The following MME variants were observed in gnomAD, a reference collection of about 807,000 sequenced individuals.
MME encodes the protein neprilysin.
In MME, 98 loss-of-function variants were observed where a neutral mutation model predicts 113.2. That is an observed-to-expected ratio of 0.87 (90% CI 0.74 to 1.02). The LOEUF (loss-of-function observed/expected upper bound fraction) is 1.02. MME is among the 50% of genes least tolerant of loss of function. The pLI is 0.00. For missense variants in MME, 836 were observed against 896.0 expected (o/e 0.93, Z 0.86); for synonymous variants, 292 against 300.6 (o/e 0.97, Z 0.30).
intron 22 of MME, among the ~76,000 whole-genome samples, chr3:155,178,001 C>T (rs541764719): frequency 1.7e-4 from 26 of 152,290 alleles, no homozygotes; most frequent in Admixed American, 5.2e-4. Context: ...TGTCCAGGTT[C>T]TCCAACAACC....
intron 8 of MME, 38 bp downstream of exon 8, chr3:155,118,849 A>C: frequency 1.6e-6 from 2 of 1,269,770 alleles, no homozygotes; most frequent in Non-Finnish European, 2.3e-6. Flanking sequence ...AAACTACAAA[A>C]TGATCTGGTG....
chr3:155,168,581 T>C lies in MME; in HGVS notation c.1870T>C (p.Tyr624His). ...NFKEQSQCMV[Y>H]QYGNFSWDLA... ...TAAGGAGCAATCCCAGTGCATGGTG[T>C]ATCAGTATGGAAACTTTTCCTGGGA... The change falls in exon 19 of 23, where the codon TAT (tyrosine) becomes CAT (histidine). Residue 624 changes from tyrosine (Y) to histidine (H), a missense_variant. Transcript: ENST00000360490. The C allele has an allele frequency of 6.2e-7, 1 of 1,613,858 alleles. No individual in the cohort carries two copies.
At chr3:155,042,600 G>A (rs954322769) in intron 1 of MME, among the ~76,000 whole-genome samples, 3 of 151,886 alleles carry the variant, frequency 2.0e-5, no homozygotes, top group Non-Finnish European at 2.9e-5. Context: ...CTTTCAAGGA[G>A]GTTGTGTATT....
At position 155,148,425 on chromosome 3, in the gene MME, A is replaced by T; in HGVS notation, c.1498-125A>T. The stretch of plus-strand genomic sequence containing the variant: ...AACTGGAACTACATCCTTTTTTGGT[A>T]AGTTTTTTAATGCTCTCTTTTAACT... On this transcript the variant is annotated intron_variant, in intron 15 of 22. Transcript: ENST00000360490. 1.4e-5 allele frequency: 9 copies of T among 662,926 alleles called. No individual in the cohort carries two copies. The Admixed American group carries it at 1.4e-4, about 10-fold the overall frequency. 41.1% of individuals were successfully genotyped at this position (662,926 alleles called of 1,614,324 possible). A position where few individuals can be genotyped will look rare whatever the true frequency, so the allele number is the denominator to read the frequency against.
intron 3 of MME, among the ~76,000 whole-genome samples, chr3:155,088,419 C>T (rs546849821): frequency 6.6e-6 from 1 of 152,260 alleles, no homozygotes; most frequent in Admixed American, 6.5e-5. Context: ...CACGGTGGCT[C>T]ACGCCTGTAA....
chr3:155,165,361 G>C (rs1723017335), intron 17 of MME, among the ~76,000 whole-genome samples: 1 of 152,004 alleles, frequency 6.6e-6, no homozygotes. Context: ...TAGTATTTAA[G>C]ACACATTATT....
At chr3:155,050,229 T>A (rs1713714172) in intron 1 of MME, among the ~76,000 whole-genome samples, 1 of 152,228 alleles carries the variant, frequency 6.6e-6, no homozygotes, top group South Asian at 2.1e-4. Context: ...TTATTGAGTC[T>A]ACCATTAATG....
At chr3:155,041,268 C>T (rs1352567505) in intron 1 of MME, among the ~76,000 whole-genome samples, 4 of 152,186 alleles carry the variant, frequency 2.6e-5, no homozygotes, top group Non-Finnish European at 5.9e-5. Flanking sequence ...AATCCATCTA[C>T]ACAGCAACTA....
chr3:155,151,648 T>TA (rs896378834), intron 16 of MME, among the ~76,000 whole-genome samples: 2 of 152,170 alleles, frequency 1.3e-5, no homozygotes, highest in African/African-American at 4.8e-5. Context: ...GCCCATTTTC[T>TA]AAAAACCTCC....
chr3:155,042,144 T>C (rs1262350641), intron 1 of MME, among the ~76,000 whole-genome samples: 1 of 152,182 alleles, frequency 6.6e-6, no homozygotes, highest in Non-Finnish European at 1.5e-5. Flanking sequence ...TGAGATAATG[T>C]GCACAAACAC....
chr3:155,067,003 A>G (rs962150812), intron 1 of MME, among the ~76,000 whole-genome samples: 1 of 152,162 alleles, frequency 6.6e-6, no homozygotes, highest in African/African-American at 2.4e-5. Context: ...AGCATGTTTT[A>G]GAACTCACCG....
At chr3:155,166,825 G>C in intron 17 of MME, 77 bp from the exon 18 acceptor site, 1 of 1,577,822 alleles carries the variant, frequency 6.3e-7, no homozygotes, top group Non-Finnish European at 8.7e-7. Flanking sequence ...CCTGAGGAGG[G>C]AGGACTGTCT....
chr3:155,046,445 T>C (rs763107077), intron 1 of MME, among the ~76,000 whole-genome samples: 11 of 152,208 alleles, frequency 7.2e-5, no homozygotes, highest in Non-Finnish European at 1.3e-4. Flanking sequence ...CCCAGCACTT[T>C]GGGAGGCCAA....
intron 1 of MME, among the ~76,000 whole-genome samples, chr3:155,047,925 C>T (rs1447616686): frequency 1.3e-5 from 2 of 152,048 alleles, no homozygotes; most frequent in Non-Finnish European, 2.9e-5. Flanking sequence ...AGGTGTTGCT[C>T]ATGTATTTAT....
At position 155,168,614 on chromosome 3, in the gene MME, G is replaced by A; in HGVS notation, c.1903G>A (p.Gly635Ser). ...QYGNFSWDLA[G>S]GQHLNGINTL... ...TGGAAACTTTTCCTGGGACCTGGCAGGTGGACAGCACGTATGTCATTAGCA... is the reference window on the plus strand; with the variant it reads ...TGGAAACTTTTCCTGGGACCTGGCAAGTGGACAGCACGTATGTCATTAGCA... Residue 635 changes from glycine to serine, a missense_variant, in exon 19 of 23, where the codon GGT becomes AGT. By Grantham distance (56) the Gly-to-Ser change is moderately conservative. Transcript: ENST00000360490. 1 of 1,613,848 alleles carries A rather than the reference G, an allele frequency of 6.2e-7. No homozygotes were observed. Among genetic ancestry groups the A allele is most frequent in the Non-Finnish European group, 8.5e-7 (1 of 1,179,844 alleles).
chr3:155,148,711 T>C, intron 16 of MME, 58 bp downstream of exon 16: 1 of 1,282,682 alleles, frequency 7.8e-7, no homozygotes, highest in Non-Finnish European at 1.1e-6. Flanking sequence ...CCCTCCTTTC[T>C]TTGTTGGATT....
At chr3:155,037,361 A>G (rs1457745850) in intron 1 of MME, among the ~76,000 whole-genome samples, 1 of 152,114 alleles carries the variant, frequency 6.6e-6, no homozygotes, top group Non-Finnish European at 1.5e-5. Flanking sequence ...AATTATCCTC[A>G]CTTTAGAGGA....
chr3:155,073,427 A>G (rs1450809395), intron 1 of MME, among the ~76,000 whole-genome samples: 2 of 152,222 alleles, frequency 1.3e-5, no homozygotes, highest in East Asian at 1.9e-4. Context: ...AGAAATATCA[A>G]TTTAGACACT....
chr3:155,115,569 T>C (rs944423845), intron 4 of MME, among the ~76,000 whole-genome samples: 6 of 152,014 alleles, frequency 3.9e-5, no homozygotes, highest in Admixed American at 3.9e-4. Flanking sequence ...GCTGGGATTG[T>C]AGGCACCTGC....
Sources: gnomAD v4.1 joint callset for allele counts (sites outside exome capture counted in the v4.1 genomes callset) on GRCh38, gnomAD v4.1.1 for gene constraint, MANE v1.5 for transcripts, NCBI Gene and HGNC (gene_info 2026-07-23, HGNC 2026-07-21) for gene names.